The following KCNMB2 variants were observed in gnomAD, a reference collection of about 807,000 sequenced individuals.
KCNMB2 encodes potassium calcium-activated channel subfamily M regulatory beta subunit 2, also known as calcium-activated potassium channel subunit beta-2.
KCNMB2 carries 9 observed loss-of-function variants against 24.5 expected under a neutral mutation model. That is an observed-to-expected ratio of 0.37 (90% CI 0.22 to 0.64). KCNMB2 has a LOEUF of 0.64. Among genes scored for constraint, KCNMB2 ranks in the 30% least tolerant of loss-of-function variants. The pLI, the probability that KCNMB2 is intolerant of heterozygous loss-of-function variation, is 0.63. For missense variants in KCNMB2, 226 were observed against 284.3 expected (o/e 0.79, Z 1.47); for synonymous variants, 109 against 104.4 (o/e 1.04, Z -0.27).
At chr3:178,540,009 T>C (rs1333951128) in intron 1 of KCNMB2, among the ~76,000 whole-genome samples, 2 of 152,158 alleles carry the variant, frequency 1.3e-5, no homozygotes, top group African/African-American at 2.4e-5. Context: ...ACCTCCATAC[T>C]TACATATCCA....
At chr3:178,815,966 A>T (rs943847777) in intron 2 of KCNMB2, among the ~76,000 whole-genome samples, 2 of 151,612 alleles carry the variant, frequency 1.3e-5, no homozygotes, top group Admixed American at 1.3e-4. Flanking sequence ...AAAGATATTG[A>T]CCTATAATTT....
At chr3:178,565,450 A>T (rs568473410) in intron 1 of KCNMB2, among the ~76,000 whole-genome samples, 8 of 152,302 alleles carry the variant, frequency 5.3e-5, no homozygotes, top group African/African-American at 1.9e-4. Flanking sequence ...TATGTGAGAG[A>T]ATAGGAAAAA....
intron 1 of KCNMB2, among the ~76,000 whole-genome samples, chr3:178,602,580 G>A (rs1262180393): frequency 6.6e-6 from 1 of 151,320 alleles, no homozygotes; most frequent in African/African-American, 2.4e-5. Context: ...GGGTGGGGGG[G>A]AGGAGTGATA....
At chr3:178,697,456 G>T (rs905361033) in intron 1 of KCNMB2, among the ~76,000 whole-genome samples, 8 of 152,032 alleles carry the variant, frequency 5.3e-5, no homozygotes, top group African/African-American at 1.9e-4. Context: ...CATTTGCTTG[G>T]TATATTTTTT....
chr3:178,785,500 AC>A (rs1713065435), intron 1 of KCNMB2, among the ~76,000 whole-genome samples: 1 of 152,070 alleles, frequency 6.6e-6, no homozygotes, highest in South Asian at 2.1e-4. Flanking sequence ...ATTATAAGAT[AC>A]AAAAATTACA....
intron 1 of KCNMB2, among the ~76,000 whole-genome samples, chr3:178,582,941 A>T (rs1348491079): frequency 6.6e-6 from 1 of 152,216 alleles, no homozygotes; most frequent in African/African-American, 2.4e-5. Context: ...TCAACTTCTC[A>T]ATGGTAAAAC....
Position 178,590,195 on chromosome 3 carries a change from T to C in KCNMB2, c.-68+53484T>C, listed in dbSNP as rs542820067. Among the ~76,000 whole-genome samples the C allele has an allele frequency of 4.1e-4, 62 of 152,308 alleles. No homozygotes were observed. The South Asian group carries it at 0.012, about 30-fold the overall frequency. On this transcript the variant is annotated intron_variant, in intron 1 of 4. Transcript: ENST00000452583. ...TTATCCTCCTTCCTTCTCTCTCTTA[T>C]TTAGTGCTGGAAGGTCATAGTGACA...
chr3:178,658,575 C>G (rs1259367595), intron 1 of KCNMB2, among the ~76,000 whole-genome samples: 1 of 152,138 alleles, frequency 6.6e-6, no homozygotes, highest in African/African-American at 2.4e-5. Flanking sequence ...ACTAAGATAT[C>G]TGTGTCACAC....
intron 1 of KCNMB2, among the ~76,000 whole-genome samples, chr3:178,670,465 AGTGTTAC>A (rs764460538): frequency 4.6e-5 from 7 of 152,178 alleles, no homozygotes; most frequent in Non-Finnish European, 8.8e-5. Flanking sequence ...TAACACTTCT[AGTGTTAC>A]GTGCCAGTGT....
chr3:178,602,308 A>T (rs568805775), intron 1 of KCNMB2, among the ~76,000 whole-genome samples: 130 of 152,192 alleles, frequency 8.5e-4, no homozygotes, highest in African/African-American at 3.0e-3. Context: ...TCCCCACAAA[A>T]AAATATATAT....
intron 1 of KCNMB2, among the ~76,000 whole-genome samples, chr3:178,617,427 A>G (rs896231350): frequency 1.3e-5 from 2 of 151,854 alleles, no homozygotes; most frequent in South Asian, 2.1e-4. Context: ...GCGTGGTGGC[A>G]GGCACCTGTA....
chr3:178,693,841 C>G (rs1721770042), intron 1 of KCNMB2, among the ~76,000 whole-genome samples: 1 of 150,890 alleles, frequency 6.6e-6, no homozygotes, highest in African/African-American at 2.4e-5. Flanking sequence ...CTTTGTACAT[C>G]TGGTGAAATT....
rs568052130 is a variant in KCNMB2, at chr3:178,550,314, C to A, written c.-68+13603C>A. The stretch of plus-strand genomic sequence containing the variant: ...AAATACAAAAAAAAAAAAAATTAGA[C>A]GGGCATGGTGGCGGGCACCTGTAGT... On this transcript the variant is annotated intron_variant, in intron 1 of 4. Coordinates refer to ENST00000452583, the MANE Select transcript of KCNMB2 (RefSeq NM_181361.3). Among the ~76,000 whole-genome samples the A allele has an allele frequency of 4.7e-3, 704 of 149,944 alleles. 3 individuals carry two copies. The highest frequency in any genetic ancestry group is 7.5e-3 in the Admixed American group (114 of 15,124).
intron 1 of KCNMB2, among the ~76,000 whole-genome samples, chr3:178,729,004 G>A (rs2108365233): frequency 6.6e-6 from 1 of 152,116 alleles, no homozygotes; most frequent in South Asian, 2.1e-4. Context: ...GTGTTACTCT[G>A]GCCTATCACA....
At chr3:178,688,307 C>A (rs924634689) in intron 1 of KCNMB2, among the ~76,000 whole-genome samples, 1 of 152,028 alleles carries the variant, frequency 6.6e-6, no homozygotes, top group African/African-American at 2.4e-5. Flanking sequence ...ATTTTAAAAT[C>A]AAGTTTATGG....
intron 1 of KCNMB2, among the ~76,000 whole-genome samples, chr3:178,580,164 C>T (rs1717146453): frequency 6.6e-6 from 1 of 152,154 alleles, no homozygotes; most frequent in African/African-American, 2.4e-5. Context: ...CATCAAAAAG[C>T]TTATCCACCA....
chr3:178,679,550 C>A (rs962738727), intron 1 of KCNMB2, among the ~76,000 whole-genome samples: 1 of 152,194 alleles, frequency 6.6e-6, no homozygotes, highest in Non-Finnish European at 1.5e-5. Context: ...CATGATTCTA[C>A]ACAAAGCTCA....
intron 1 of KCNMB2, among the ~76,000 whole-genome samples, chr3:178,594,877 G>A (rs1577035703): frequency 2.7e-5 from 4 of 150,736 alleles, no homozygotes; most frequent in Admixed American, 2.6e-4. Flanking sequence ...TATCATTAGA[G>A]AGATTTCATT....
intron 1 of KCNMB2, among the ~76,000 whole-genome samples, chr3:178,706,049 T>G (rs1349571131): frequency 6.6e-6 from 1 of 152,128 alleles, no homozygotes; most frequent in Non-Finnish European, 1.5e-5. Flanking sequence ...GGGGAAAATT[T>G]TGTCTTGTCG....
Sources: gnomAD v4.1 joint callset for allele counts (sites outside exome capture counted in the v4.1 genomes callset) on GRCh38, gnomAD v4.1.1 for gene constraint, MANE v1.5 for transcripts, NCBI Gene and HGNC (gene_info 2026-07-23, HGNC 2026-07-21) for gene names.